The following NR1I2 variants were observed in gnomAD, a reference collection of about 807,000 sequenced individuals.
NR1I2 encodes orphan nuclear receptor PAR1.
Under a neutral mutation model 43.3 loss-of-function variants are expected in NR1I2, and 42 were observed. That is an observed-to-expected ratio of 0.97 (90% CI 0.76 to 1.26). NR1I2 has a LOEUF of 1.26. NR1I2 is among the 50% of genes most tolerant of loss of function. The pLI, the probability that NR1I2 is intolerant of heterozygous loss-of-function variation, is 0.00. For missense variants in NR1I2, 559 were observed against 566.7 expected, an observed-to-expected ratio of 0.99 and a Z score of 0.14; for synonymous variants, 229 against 215.0, an observed-to-expected ratio of 1.06 and a Z score of -0.57.
At chr3:119,794,663 C>A in intron 1 of NR1I2, among the ~76,000 whole-genome samples, 1 of 152,140 alleles carries the variant, frequency 6.6e-6, no homozygotes, top group East Asian at 1.9e-4. Flanking sequence ...CCAGGCCAAG[C>A]GCCATGGTTC....
In NR1I2 at chr3:119,816,073, C is replaced by T. The variant is rs1028566400; in HGVS notation, c.1160+242C>T. Among the ~76,000 whole-genome samples the T allele has an allele frequency of 9.2e-5, 14 of 152,246 alleles. 1 individual carries two copies. Among genetic ancestry groups the T allele is most frequent in the Admixed American group, 9.2e-4 (14 of 15,288 alleles). On this transcript the variant is annotated intron_variant, in intron 8 of 8. Transcript: ENST00000393716. The stretch of plus-strand genomic sequence containing the variant: ...ACTGGTCCTCAGTAGCTCCTGTGAC[C>T]TACTGCCCAGACTGATGCCCACAGA...
intron 1 of NR1I2, among the ~76,000 whole-genome samples, chr3:119,789,887 T>C (rs1457044124): frequency 6.6e-6 from 1 of 152,234 alleles, no homozygotes; most frequent in Non-Finnish European, 1.5e-5. Context: ...ATGTTCTTTT[T>C]TTAATTTGTA....
chr3:119,788,139 G>A (rs764009732), intron 1 of NR1I2, among the ~76,000 whole-genome samples: 5 of 152,092 alleles, frequency 3.3e-5, no homozygotes, highest in Non-Finnish European at 7.4e-5. Context: ...TAAGAGACAG[G>A]GTCTTGCTGT....
intron 1 of NR1I2, among the ~76,000 whole-genome samples, chr3:119,798,162 A>G (rs577280313): frequency 1.3e-5 from 2 of 152,048 alleles, no homozygotes; most frequent in Admixed American, 1.3e-4. Flanking sequence ...ATGTTAGGCT[A>G]TTTCACTGAG....
chr3:119,806,169 T>A (rs2055157838), intron 1 of NR1I2, among the ~76,000 whole-genome samples: 1 of 152,212 alleles, frequency 6.6e-6, no homozygotes, highest in Admixed American at 6.5e-5. Flanking sequence ...GGGATGGTAG[T>A]AACAGGACAA....
intron 1 of NR1I2, chr3:119,792,304 G>A (rs2054931570): frequency 2.7e-6 from 4 of 1,455,460 alleles, no homozygotes; most frequent in Admixed American, 1.8e-5. Flanking sequence ...GCCACCTTTG[G>A]GCTCATCCTG....
In NR1I2 at chr3:119,802,274, C is replaced by T. The variant is rs114728468; in HGVS notation, c.-22-4955C>T. 5.2e-3 allele frequency among the ~76,000 whole-genome samples: 798 copies of T among 152,284 alleles called. 10 individuals carry two copies. Among genetic ancestry groups the T allele is most frequent in the African/African-American group, 0.019 (773 of 41,550 alleles). Reference sequence around the variant, plus strand: ...CAAAATGAAAGTTATACAAATACTGCGGAATGAGATTCTAGCATTAATTCT... The same window carrying T: ...CAAAATGAAAGTTATACAAATACTGTGGAATGAGATTCTAGCATTAATTCT... On this transcript the variant is annotated intron_variant, in intron 1 of 8. Coordinates refer to ENST00000393716, the MANE Select transcript of NR1I2 (RefSeq NM_003889.4).
chr3:119,811,849 T>C (rs1273162355), intron 4 of NR1I2, 123 bp downstream of exon 4: 2 of 932,852 alleles, frequency 2.1e-6, no homozygotes, highest in Non-Finnish European at 3.3e-6. Context: ...GGAGGGTAGA[T>C]TTGGAGAGCT....
In NR1I2 at chr3:119,807,411, A is replaced by G. The variant is rs1469447639; in HGVS notation, c.161A>G (p.Asn54Ser). 1.9e-6 allele frequency: 3 copies of G among 1,614,128 alleles called. No individual in the cohort carries two copies. In the Admixed American group the frequency reaches 5.0e-5, roughly 27 times the overall value. Residue 54 changes from asparagine to serine, a missense_variant, in exon 2 of 9, where the codon AAT becomes AGT. Asn to Ser is a conservative substitution (Grantham distance 46). Transcript: ENST00000393716. ...GACAAGGCCACTGGCTATCACTTCA[A>G]TGTCATGACATGTGAAGGATGCAAG...
Position 119,812,774 on chromosome 3 carries a change from G to C in NR1I2, c.608G>C (p.Arg203Pro). ...GAAGCTGCCAAGTGGAGCCAGGTCC[G>C]GAAAGATCTGTGCTCTTTGAAGGTC... Residue 203 changes from arginine (R) to proline (P), a missense_variant, in exon 5 of 9, where the codon CGG becomes CCG. Physicochemically the swap from Arg to Pro is moderately radical, Grantham distance 103 (BLOSUM62 -2). This residue lies in a region of NR1I2 where 323 missense variants were observed against 312.2 expected (regional missense o/e 1.03). Coordinates refer to ENST00000393716, the MANE Select transcript of NR1I2 (RefSeq NM_003889.4). 6.2e-7 allele frequency: 1 copy of C among 1,614,208 alleles called. No homozygotes were observed. The highest frequency in any genetic ancestry group is 1.1e-5 in the South Asian group (1 of 91,084).
chr3:119,800,214 A>G (rs2055060101), intron 1 of NR1I2, among the ~76,000 whole-genome samples: 1 of 152,202 alleles, frequency 6.6e-6, no homozygotes, highest in Non-Finnish European at 1.5e-5. Context: ...GCATGTGAAT[A>G]TCCAATTTTC....
intron 1 of NR1I2, chr3:119,802,908 G>A (rs1387597563): frequency 2.2e-6 from 1 of 456,568 alleles, no homozygotes; most frequent in Non-Finnish European, 4.4e-6. Flanking sequence ...TGTTCTGAAT[G>A]TTTATGTTTC....
chr3:119,786,475 G>A (rs1559781783), intron 1 of NR1I2, among the ~76,000 whole-genome samples: 1 of 152,222 alleles, frequency 6.6e-6, no homozygotes, highest in Non-Finnish European at 1.5e-5. Context: ...AATCCCTCAT[G>A]TAATGTTTGA....
chr3:119,812,982 G>A (rs764955217), intron 5 of NR1I2, 22 bp downstream of exon 5: 1 of 1,610,178 alleles, frequency 6.2e-7, no homozygotes, highest in Admixed American at 1.7e-5. Context: ...AGACTGGGTG[G>A]TTGGGTGTGG....
At chr3:119,794,354 G>C (rs1202492065) in intron 1 of NR1I2, among the ~76,000 whole-genome samples, 1 of 151,468 alleles carries the variant, frequency 6.6e-6, no homozygotes, top group East Asian at 1.9e-4. Context: ...CACCACACTT[G>C]GCTAATTTTT....
At chr3:119,809,303 T>C (rs796449083) in intron 2 of NR1I2, among the ~76,000 whole-genome samples, 17 of 151,952 alleles carry the variant, frequency 1.1e-4, no homozygotes, top group African/African-American at 4.1e-4. Context: ...TACCAGAGTC[T>C]CCAAAAGGCA....
At chr3:119,811,185 A>C in intron 3 of NR1I2, 1 of 206,904 alleles carries the variant, frequency 4.8e-6, no homozygotes, top group Non-Finnish European at 9.8e-6. Flanking sequence ...TGGAGGCAGG[A>C]GAGGTTAAGG....
chr3:119,804,620 A>G (rs1298511393), intron 1 of NR1I2, among the ~76,000 whole-genome samples: 3 of 151,604 alleles, frequency 2.0e-5, no homozygotes, highest in African/African-American at 7.3e-5. Flanking sequence ...AACTTTTTGT[A>G]TCTTTAGTAG....
intron 1 of NR1I2, among the ~76,000 whole-genome samples, chr3:119,801,065 G>A (rs1239652613): frequency 6.6e-6 from 1 of 152,186 alleles, no homozygotes; most frequent in East Asian, 1.9e-4. Flanking sequence ...GAAGAGGAGA[G>A]GGGCTGTGTG....
Sources: allele counts gnomAD v4.1 joint callset (sites outside exome capture counted in the v4.1 genomes callset), GRCh38; gene constraint gnomAD v4.1.1; regional missense constraint gnomAD v4.1.1; transcripts MANE v1.5; gene names NCBI Gene and HGNC (gene_info 2026-07-23, HGNC 2026-07-21).